Variants in CACNA1C observed in about 807,000 individuals in gnomAD.
CACNA1C encodes calcium voltage-gated channel subunit alpha1 C.
CACNA1C carries 30 observed loss-of-function variants against 229.0 expected under a neutral mutation model. The observed-to-expected ratio is 0.13, with a 90% CI of 0.10 to 0.18. The LOEUF (loss-of-function observed/expected upper bound fraction) is 0.18, where lower values mean the gene tolerates loss of function less well. Among genes scored for constraint, CACNA1C ranks in the 10% least tolerant of loss-of-function variants. The probability of loss-of-function intolerance (pLI) is 1.00; values close to 1 mark genes in which losing one functional copy is unlikely to be tolerated. For synonymous variants in CACNA1C, 1,114 were observed against 1,132.5 expected (o/e 0.98, Z 0.33); for missense variants, 1,658 against 2,845.0 (o/e 0.58, Z 9.49).
At chr12:2,498,079 G>A (rs1234764725) in intron 7 of CACNA1C, among the ~76,000 whole-genome samples, 2 of 152,044 alleles carry the variant, frequency 1.3e-5, no homozygotes, top group African/African-American at 4.8e-5. Flanking sequence ...CATCCAAGCA[G>A]GTTGAATTGG....
chr12:2,525,143 T>G (rs938814614), intron 9 of CACNA1C, among the ~76,000 whole-genome samples: 5 of 152,112 alleles, frequency 3.3e-5, no homozygotes, highest in Non-Finnish European at 5.9e-5. Flanking sequence ...GACTCTATCC[T>G]GTGGTTAAGG....
intron 4 of CACNA1C, among the ~76,000 whole-genome samples, chr12:2,449,788 A>G (rs1299315725): frequency 6.6e-6 from 1 of 152,196 alleles, no homozygotes; most frequent in Non-Finnish European, 1.5e-5. Flanking sequence ...CTGGCCCCGC[A>G]GTTCCTCTGA....
chr12:2,296,829 G>A (rs956195218), intron 3 of CACNA1C, among the ~76,000 whole-genome samples: 1 of 152,384 alleles, frequency 6.6e-6, no homozygotes, highest in Middle Eastern at 3.4e-3. Context: ...CACTGCCTGA[G>A]ATTTCACCAT....
chr12:2,512,794 T>C lies in CACNA1C; in HGVS notation c.1218-18T>C. On this transcript the variant is annotated intron_variant, in intron 8 of 46. Transcript: ENST00000399655. This position sits in a 1 kb window ranked among gnomAD's most constrained non-coding sequence, Gnocchi z 4.3. Reference sequence around the variant, plus strand: ...TCTCTGTGCTCTCCTGCCCTGCCCCTCCTCTCACTCTCACCAGAGAGTTTT... The same window carrying C: ...TCTCTGTGCTCTCCTGCCCTGCCCCCCCTCTCACTCTCACCAGAGAGTTTT... 6.3e-7 allele frequency: 1 copy of C among 1,598,096 alleles called. No homozygotes were observed. The highest frequency in any genetic ancestry group is 1.1e-5 in the South Asian group (1 of 87,582).
In CACNA1C at chr12:2,653,917, C is replaced by T; in HGVS notation, c.4140+17C>T. ...GGGATGCAGGTAGGGAGGCTCCCACCACGGGGCTCCTGGCCTCCCGCTCTG... is the reference window on the plus strand; with the variant it reads ...GGGATGCAGGTAGGGAGGCTCCCACTACGGGGCTCCTGGCCTCCCGCTCTG... On this transcript the variant is annotated intron_variant, in intron 33 of 46. Transcript: ENST00000399655. The surrounding 1 kb of genome is among the most constrained non-coding windows in gnomAD (Gnocchi z 4.7). 1 of 1,610,528 alleles carries T rather than the reference C, an allele frequency of 6.2e-7. No homozygotes were observed. The highest frequency in any genetic ancestry group is 8.5e-7 in the Non-Finnish European group (1 of 1,177,092).
chr12:2,052,859 T>C (rs1217621521), upstream of CACNA1C, among the ~76,000 whole-genome samples: 1 of 134,672 alleles, frequency 7.4e-6, no homozygotes, highest in African/African-American at 2.6e-5. Context: ...CGCAGCCACA[T>C]CTGGAAGCGT....
At chr12:2,393,566 T>C (rs1177012812) in intron 3 of CACNA1C, among the ~76,000 whole-genome samples, 1 of 152,216 alleles carries the variant, frequency 6.6e-6, no homozygotes, top group Non-Finnish European at 1.5e-5. Context: ...ATAGAACTTC[T>C]CCGAGCCTCT....
At chr12:2,068,511 T>C (rs1454624438) in intron 1 of CACNA1C, among the ~76,000 whole-genome samples, 2 of 152,256 alleles carry the variant, frequency 1.3e-5, no homozygotes, top group Non-Finnish European at 2.9e-5. Context: ...TTGGCATTGT[T>C]CCCAAAAGAG....
chr12:2,054,817 T>C lies in CACNA1C; in HGVS notation c.49+1206T>C, dbSNP rs576875043. 3.9e-5 allele frequency among the ~76,000 whole-genome samples: 6 copies of C among 152,368 alleles called. No individual in the cohort carries two copies. The highest frequency in any genetic ancestry group is 7.2e-5 in the African/African-American group (3 of 41,590). On this transcript the variant is annotated intron_variant, in intron 1 of 46. Transcript: ENST00000399655. The surrounding 1 kb of genome is among the most constrained non-coding windows in gnomAD (Gnocchi z 5.5). ...CCCCTGAAAGCCTATCTGTCACTGC[T>C]GGTCTCTGTTCCTTCCCTGGGTTCT...
In CACNA1C at chr12:2,093,019, C is replaced by T. The variant is rs952129111; in HGVS notation, c.50-22205C>T. On this transcript the variant is annotated intron_variant, in intron 1 of 46. Transcript: ENST00000399655. Reference sequence around the variant, plus strand: ...GTGAGCCACAGCCTGGAGGAGGTGACGGCTGCAAACCCCGCACTCTGGCAG... The same window carrying T: ...GTGAGCCACAGCCTGGAGGAGGTGATGGCTGCAAACCCCGCACTCTGGCAG... Among the ~76,000 whole-genome samples, 20 of 152,288 alleles carry T rather than the reference C, an allele frequency of 1.3e-4. 1 individual carries two copies. The Middle Eastern group carries it at 0.014, about 104-fold the overall frequency.
intron 1 of CACNA1C, among the ~76,000 whole-genome samples, chr12:1,972,431 G>C (rs1015592527): frequency 6.6e-6 from 1 of 152,076 alleles, no homozygotes; most frequent in Non-Finnish European, 1.5e-5. Context: ...ACTAGCATAT[G>C]GTAGTACACA....
At chr12:2,030,559 G>A (rs1009335) in intron 1 of CACNA1C, among the ~76,000 whole-genome samples, 12,098 of 152,216 alleles carry the variant, frequency 0.079, 663 homozygotes, top group African/African-American at 0.14. Context: ...GCTGCTCCAC[G>A]GCTCTCAGAT....
In CACNA1C at chr12:2,677,674, G is replaced by A. The variant is rs2096894124; in HGVS notation, c.4957-59G>A. On this transcript the variant is annotated intron_variant, in intron 40 of 46. Transcript: ENST00000399655. This position sits in a 1 kb window ranked among gnomAD's most constrained non-coding sequence, Gnocchi z 7.4. The stretch of plus-strand genomic sequence containing the variant: ...CAGGTCTTGGCCCGAGGCTGTGGCT[G>A]GCTGGGGAGCTTGGAGGAAAGGGAG... The A allele has an allele frequency of 1.3e-6, 2 of 1,569,658 alleles. No individual in the cohort carries two copies. Among genetic ancestry groups the A allele is most frequent in the East Asian group, 2.3e-5 (1 of 42,678 alleles).
At chr12:2,303,756 C>T (rs1241751712) in intron 3 of CACNA1C, among the ~76,000 whole-genome samples, 1 of 152,208 alleles carries the variant, frequency 6.6e-6, no homozygotes, top group African/African-American at 2.4e-5. Flanking sequence ...GGCTGCTCTG[C>T]AAGGCTGTGC....
intron 9 of CACNA1C, among the ~76,000 whole-genome samples, chr12:2,536,727 G>T (rs1475498375): frequency 6.6e-6 from 1 of 152,138 alleles, no homozygotes; most frequent in African/African-American, 2.4e-5. Context: ...TACTCTCAAG[G>T]TTGTGGTGGG....
intron 3 of CACNA1C, among the ~76,000 whole-genome samples, chr12:2,151,382 T>G: frequency 6.7e-6 from 1 of 148,704 alleles, no homozygotes; most frequent in African/African-American, 2.5e-5. Flanking sequence ...AAAAAAGGGA[T>G]TTGAGATGGT....
intron 1 of CACNA1C, among the ~76,000 whole-genome samples, chr12:2,089,265 G>GT (rs780968875): frequency 6.6e-6 from 1 of 152,212 alleles, no homozygotes; most frequent in Non-Finnish European, 1.5e-5. Context: ...CGACCCTGAG[G>GT]TAAGCCATTG....
upstream of CACNA1C, among the ~76,000 whole-genome samples, chr12:2,049,975 G>T (rs958764755): frequency 6.6e-6 from 1 of 152,174 alleles, no homozygotes; most frequent in East Asian, 1.9e-4. Context: ...GCTGAAAAGA[G>T]AAGTGAAAAA....
At chr12:2,550,691 C>T in intron 10 of CACNA1C, 1 of 1,323,334 alleles carries the variant, frequency 7.6e-7, no homozygotes, top group Non-Finnish European at 9.9e-7. Context: ...ATTGCTCCAC[C>T]TGGGGGGCGG....
Sources: allele counts gnomAD v4.1 joint callset (sites outside exome capture counted in the v4.1 genomes callset), GRCh38; gene constraint gnomAD v4.1.1; non-coding constraint Gnocchi (gnomAD v3.1); transcripts MANE v1.5; gene names NCBI Gene and HGNC (gene_info 2026-07-23, HGNC 2026-07-21).